The following CACNA1C variants were observed in gnomAD, a reference collection of about 807,000 sequenced individuals.
The protein encoded by CACNA1C is calcium voltage-gated channel subunit alpha1 C.
CACNA1C carries 30 observed loss-of-function variants against 229.0 expected under a neutral mutation model. The ratio of observed to expected loss-of-function variants is 0.13; its 90% CI spans 0.10 to 0.18. The LOEUF (loss-of-function observed/expected upper bound fraction) is 0.18, where lower values mean the gene tolerates loss of function less well. CACNA1C is among the 10% of genes least tolerant of loss of function. CACNA1C has a pLI of 1.00. For synonymous variants in CACNA1C, 1,114 were observed against 1,132.5 expected (o/e 0.98, Z 0.33); for missense variants, 1,658 against 2,845.0 (o/e 0.58, Z 9.49).
chr12:2,203,308 A>G (rs377149317), intron 3 of CACNA1C, among the ~76,000 whole-genome samples: 1 of 152,156 alleles, frequency 6.6e-6, no homozygotes, highest in East Asian at 1.9e-4. Context: ...TTTCCTTCTT[A>G]CAGTCCCCCT....
intron 3 of CACNA1C, among the ~76,000 whole-genome samples, chr12:2,274,559 C>G (rs1601730193): frequency 6.6e-6 from 1 of 152,184 alleles, no homozygotes; most frequent in Non-Finnish European, 1.5e-5. Flanking sequence ...AGAAAGCAAA[C>G]CAGGGAGTGG....
intron 3 of CACNA1C, among the ~76,000 whole-genome samples, chr12:2,307,697 T>A (rs577464801): frequency 6.6e-6 from 1 of 152,350 alleles, no homozygotes; most frequent in East Asian, 1.9e-4. Flanking sequence ...CCTGGAGCAC[T>A]GAGAAGCTTT....
At chr12:2,390,601 G>C (rs2154548594) in intron 3 of CACNA1C, among the ~76,000 whole-genome samples, 1 of 152,358 alleles carries the variant, frequency 6.6e-6, no homozygotes, top group Admixed American at 6.5e-5. Flanking sequence ...AAAAGCAGAA[G>C]AGGGATGAGT....
At chr12:2,326,614 G>A in intron 3 of CACNA1C, among the ~76,000 whole-genome samples, 1 of 152,194 alleles carries the variant, frequency 6.6e-6, no homozygotes, top group East Asian at 1.9e-4. Flanking sequence ...CTGCCTCCTA[G>A]CTCTCGCCAT....
chr12:2,104,368 G>C (rs957074546), intron 1 of CACNA1C, among the ~76,000 whole-genome samples: 3 of 152,158 alleles, frequency 2.0e-5, no homozygotes, highest in Non-Finnish European at 4.4e-5. Context: ...TGATTTGGCT[G>C]TCTGTCCGTT....
chr12:2,004,404 C>A, intron 1 of CACNA1C: 1 of 1,611,614 alleles, frequency 6.2e-7, no homozygotes, highest in Non-Finnish European at 8.5e-7. Flanking sequence ...CCCTTTCCCA[C>A]CAGGCCGCCT....
intron 3 of CACNA1C, among the ~76,000 whole-genome samples, chr12:2,299,322 G>T (rs1480201072): frequency 6.6e-6 from 1 of 152,130 alleles, no homozygotes; most frequent in Non-Finnish European, 1.5e-5. Flanking sequence ...TTCTCGTGCA[G>T]CCAAGGTTGA....
At chr12:2,514,396 AC>A (rs1378489474) in intron 9 of CACNA1C, among the ~76,000 whole-genome samples, 1 of 152,218 alleles carries the variant, frequency 6.6e-6, no homozygotes, top group Non-Finnish European at 1.5e-5. Flanking sequence ...TAATGTAGTA[AC>A]CTAAGGAGGC....
In CACNA1C at chr12:2,688,684, G is replaced by A. The variant is rs765885227; in HGVS notation, c.6022G>A (p.Ala2008Thr). Residue 2008 changes from alanine (A) to threonine (T), a missense_variant, in exon 46 of 47, where the codon GCC becomes ACC. This residue lies in a region of CACNA1C where 590 missense variants were observed against 700.8 expected (regional missense o/e 0.84). Coordinates refer to ENST00000399655, the MANE Select transcript of CACNA1C (RefSeq NM_000719.7). Reference sequence around the variant, plus strand: ...CCCCGGTGGCGGGGGCAGCAGCGCCGCCCGGAGAGTCCGGCCCGTCTCCCT... The same window carrying A: ...CCCCGGTGGCGGGGGCAGCAGCGCCACCCGGAGAGTCCGGCCCGTCTCCCT... The part of the protein sequence containing the change: ...TTPGGGGSSA[A>T]RRVRPVSLMV... 1.4e-5 allele frequency: 23 copies of A among 1,612,822 alleles called. No homozygotes were observed. Among genetic ancestry groups the A allele is most frequent in the African/African-American group, 5.3e-5 (4 of 75,012 alleles).
At chr12:2,441,664 G>T (rs902153933) in intron 3 of CACNA1C, among the ~76,000 whole-genome samples, 6 of 152,156 alleles carry the variant, frequency 3.9e-5, no homozygotes, top group Non-Finnish European at 7.3e-5. Flanking sequence ...GGTATTCAAA[G>T]TTCCAAGAAA....
intron 1 of CACNA1C, among the ~76,000 whole-genome samples, chr12:2,080,926 G>T (rs1356878178): frequency 6.6e-6 from 1 of 152,156 alleles, no homozygotes; most frequent in East Asian, 1.9e-4. Context: ...TGGAGTTCTA[G>T]GAAACAGTGG....
At chr12:2,364,101 A>C (rs1241097118) in intron 3 of CACNA1C, among the ~76,000 whole-genome samples, 2 of 150,076 alleles carry the variant, frequency 1.3e-5, no homozygotes, top group Non-Finnish European at 3.0e-5. Context: ...ACCAGCCCCA[A>C]GGTCCACTGC....
At chr12:2,419,665 TG>T (rs1161391143) in intron 3 of CACNA1C, among the ~76,000 whole-genome samples, 1 of 152,208 alleles carries the variant, frequency 6.6e-6, no homozygotes, top group African/African-American at 2.4e-5. Context: ...TGTCCTGATT[TG>T]GGGGTTCAAA....
At chr12:2,564,056 T>A (rs12316536) in intron 11 of CACNA1C, among the ~76,000 whole-genome samples, 4,709 of 152,290 alleles carry the variant, frequency 0.031, 215 homozygotes, top group African/African-American at 0.11. Flanking sequence ...CCATGGACTG[T>A]GATTTAGAAT....
chr12:2,394,139 C>T (rs2154549374), intron 3 of CACNA1C, among the ~76,000 whole-genome samples: 1 of 151,384 alleles, frequency 6.6e-6, no homozygotes, highest in South Asian at 2.1e-4. Flanking sequence ...AAAGGAGGGA[C>T]ACTGGAGAAG....
At chr12:2,140,747 A>C (rs1316801891) in intron 3 of CACNA1C, among the ~76,000 whole-genome samples, 1 of 151,378 alleles carries the variant, frequency 6.6e-6, no homozygotes, top group Non-Finnish European at 1.5e-5. Flanking sequence ...CCTACTGTGT[A>C]CCAGGCTAGG....
At chr12:2,537,207 A>G (rs1250694407) in intron 9 of CACNA1C, among the ~76,000 whole-genome samples, 1 of 152,232 alleles carries the variant, frequency 6.6e-6, no homozygotes, top group East Asian at 1.9e-4. Context: ...CATGACAGAT[A>G]GGAAAAGGCT....
At position 2,602,630 on chromosome 12, in the gene CACNA1C, TTGTGTGTGTGTGTG is replaced by T. The variant is rs3062140; in HGVS notation, c.2960+697_2960+710del. On this transcript the variant is annotated intron_variant, in intron 22 of 46. Transcript: ENST00000399655. This position sits in a 1 kb window ranked among gnomAD's most constrained non-coding sequence, Gnocchi z 4.4. ...GTGTGTGACTGTGTATATTTGTGTC[TTGTGTGTGTGTGTG>T]TGTGTGTGTGTGTGTGTGTGTGTGT... Among the ~76,000 whole-genome samples the T allele has an allele frequency of 1.1e-3, 161 of 140,910 alleles. 1 individual carries two copies. The highest frequency in any genetic ancestry group is 1.8e-3 in the African/African-American group (64 of 36,232). 92.4% of individuals were successfully genotyped at this position (140,910 alleles called of 152,430 possible).
chr12:2,313,738 C>T (rs921679065), intron 3 of CACNA1C, among the ~76,000 whole-genome samples: 4 of 152,026 alleles, frequency 2.6e-5, no homozygotes, highest in African/African-American at 9.7e-5. Context: ...TAAGAGGGCC[C>T]GGGAGGGTCT....
Sources: gnomAD v4.1 joint callset for allele counts (sites outside exome capture counted in the v4.1 genomes callset) on GRCh38, gnomAD v4.1.1 for gene constraint, gnomAD v4.1.1 regional missense constraint, Gnocchi (gnomAD v3.1) non-coding constraint, MANE v1.5 for transcripts, NCBI Gene and HGNC (gene_info 2026-07-23, HGNC 2026-07-21) for gene names.